The following NXPH1 variants were observed in gnomAD, a reference collection of about 807,000 sequenced individuals.
The protein encoded by NXPH1 is neurexophilin 1.
NXPH1 carries 5 observed loss-of-function variants against 23.7 expected under a neutral mutation model. The ratio of observed to expected loss-of-function variants is 0.21; its 90% CI spans 0.11 to 0.44. NXPH1 has a LOEUF of 0.44. Ranked by LOEUF, NXPH1 falls within the 20% of genes least tolerant of loss-of-function variation. The pLI, the probability that NXPH1 is intolerant of heterozygous loss-of-function variation, is 0.99. For synonymous variants in NXPH1, 144 were observed against 122.2 expected (o/e 1.18, Z -1.18); for missense variants, 324 against 321.6 (o/e 1.01, Z -0.06).
chr7:8,706,777 G>A (rs535132579), intron 2 of NXPH1, among the ~76,000 whole-genome samples: 6 of 152,198 alleles, frequency 3.9e-5, no homozygotes, highest in Non-Finnish European at 8.8e-5. Flanking sequence ...AGTTGTAGAG[G>A]CTAAGGCTGT....
At chr7:8,691,184 T>C (rs1458451424) in intron 2 of NXPH1, among the ~76,000 whole-genome samples, 1 of 152,122 alleles carries the variant, frequency 6.6e-6, no homozygotes, top group Non-Finnish European at 1.5e-5. Flanking sequence ...TTACTCTTGT[T>C]GCCCAGGCTG....
intron 2 of NXPH1, among the ~76,000 whole-genome samples, chr7:8,535,664 G>A (rs938642844): frequency 5.3e-5 from 8 of 151,890 alleles, no homozygotes; most frequent in African/African-American, 1.9e-4. Context: ...CAAGGGGCTA[G>A]GATGAAAAAT....
chr7:8,495,559 A>G (rs570248326), intron 2 of NXPH1, among the ~76,000 whole-genome samples: 2 of 151,988 alleles, frequency 1.3e-5, no homozygotes, highest in African/African-American at 4.8e-5. Context: ...ATACTTTTCT[A>G]GCATTTTTTT....
chr7:8,531,830 A>C (rs1033597741), intron 2 of NXPH1, among the ~76,000 whole-genome samples: 1 of 152,200 alleles, frequency 6.6e-6, no homozygotes, highest in Non-Finnish European at 1.5e-5. Context: ...TGCAGCCTAC[A>C]ATATGTTCCA....
At chr7:8,440,598 TG>T (rs1428292224) in intron 2 of NXPH1, among the ~76,000 whole-genome samples, 4 of 152,186 alleles carry the variant, frequency 2.6e-5, no homozygotes, top group African/African-American at 9.7e-5. Flanking sequence ...TTTTTCTATC[TG>T]AGGAAAGATT....
chr7:8,719,140 AATTT>A (rs1178365773), intron 2 of NXPH1, among the ~76,000 whole-genome samples: 1 of 152,230 alleles, frequency 6.6e-6, no homozygotes, highest in East Asian at 1.9e-4. Context: ...GTCTCTTAAA[AATTT>A]AATTATTCAT....
intron 2 of NXPH1, among the ~76,000 whole-genome samples, chr7:8,491,236 C>T (rs997729397): frequency 1.2e-4 from 18 of 151,982 alleles, no homozygotes; most frequent in African/African-American, 4.3e-4. Flanking sequence ...ATAATTTATC[C>T]CTATCCTTGG....
chr7:8,745,585 G>C (rs1319358082), intron 2 of NXPH1, among the ~76,000 whole-genome samples: 1 of 152,020 alleles, frequency 6.6e-6, no homozygotes, highest in Non-Finnish European at 1.5e-5. Context: ...ACAGAGTCTT[G>C]CTCTGTCGCC....
At chr7:8,735,591 A>C (rs1353827010) in intron 2 of NXPH1, among the ~76,000 whole-genome samples, 3 of 152,120 alleles carry the variant, frequency 2.0e-5, no homozygotes, top group African/African-American at 4.8e-5. Context: ...TATTGGCCTG[A>C]AATTTTCATT....
At chr7:8,697,839 A>C (rs1779559568) in intron 2 of NXPH1, among the ~76,000 whole-genome samples, 2 of 152,222 alleles carry the variant, frequency 1.3e-5, no homozygotes, top group Non-Finnish European at 2.9e-5. Context: ...AGGACCGGCA[A>C]GAGAGCCAGT....
At chr7:8,527,794 A>C (rs1212409705) in intron 2 of NXPH1, among the ~76,000 whole-genome samples, 1 of 152,228 alleles carries the variant, frequency 6.6e-6, no homozygotes, top group African/African-American at 2.4e-5. Context: ...AGACCTAACT[A>C]TTGTAATTCA....
At chr7:8,548,936 A>G (rs1205758991) in intron 2 of NXPH1, among the ~76,000 whole-genome samples, 2 of 151,576 alleles carry the variant, frequency 1.3e-5, no homozygotes, top group South Asian at 4.1e-4. Context: ...GGTAGTTAAG[A>G]TTCATAAAAT....
At chr7:8,523,964 G>A (rs1181914887) in intron 2 of NXPH1, among the ~76,000 whole-genome samples, 2 of 152,148 alleles carry the variant, frequency 1.3e-5, no homozygotes, top group African/African-American at 4.8e-5. Flanking sequence ...GCTATCTTCA[G>A]CCGGGCACGG....
chr7:8,634,758 T>C (rs1820193253), intron 2 of NXPH1, among the ~76,000 whole-genome samples: 1 of 148,070 alleles, frequency 6.8e-6, no homozygotes, highest in Non-Finnish European at 1.5e-5. Context: ...CAGGAAATGA[T>C]AGGGTTTATA....
At chr7:8,577,420 G>A (rs1818775631) in intron 2 of NXPH1, among the ~76,000 whole-genome samples, 1 of 152,086 alleles carries the variant, frequency 6.6e-6, no homozygotes, top group Non-Finnish European at 1.5e-5. Context: ...TGGTGATTGG[G>A]GAATATGTAT....
intron 2 of NXPH1, among the ~76,000 whole-genome samples, chr7:8,732,320 G>A (rs1046145814): frequency 1.3e-5 from 2 of 152,242 alleles, no homozygotes; most frequent in Admixed American, 1.3e-4. Context: ...CTCACAGTGG[G>A]AGCTGTAGAC....
intron 2 of NXPH1, among the ~76,000 whole-genome samples, chr7:8,472,367 A>G (rs545444650): frequency 6.6e-6 from 1 of 152,292 alleles, no homozygotes; most frequent in South Asian, 2.1e-4. Flanking sequence ...TTTGATATTC[A>G]TGATTTCATT....
intron 2 of NXPH1, among the ~76,000 whole-genome samples, chr7:8,608,227 A>C (rs1257781386): frequency 3.9e-5 from 6 of 152,174 alleles, no homozygotes; most frequent in Admixed American, 6.5e-5. Context: ...TAGATTAACT[A>C]CTTAGCTAGT....
intron 2 of NXPH1, among the ~76,000 whole-genome samples, chr7:8,726,900 G>A (rs1436379418): frequency 2.0e-5 from 3 of 151,902 alleles, no homozygotes; most frequent in Non-Finnish European, 4.4e-5. Flanking sequence ...AGATCCCTGA[G>A]GAATCGCCAC....
Sources: allele counts gnomAD v4.1 joint callset (sites outside exome capture counted in the v4.1 genomes callset), GRCh38; gene constraint gnomAD v4.1.1; transcripts MANE v1.5; gene names NCBI Gene and HGNC (gene_info 2026-07-23, HGNC 2026-07-21).